Variants in CNTNAP2 observed in about 807,000 individuals in gnomAD.
CNTNAP2 encodes contactin-associated protein-like 2.
In CNTNAP2, 98 loss-of-function variants were observed where a neutral mutation model predicts 155.2. That is an observed-to-expected ratio of 0.63 (90% CI 0.54 to 0.75). The LOEUF is 0.75. Among genes scored for constraint, CNTNAP2 ranks in the 30% least tolerant of loss-of-function variants. The probability of loss-of-function intolerance (pLI) is 0.00; values close to 1 mark genes in which losing one functional copy is unlikely to be tolerated. For synonymous variants in CNTNAP2, 651 were observed against 631.2 expected, an observed-to-expected ratio of 1.03 and a Z score of -0.47; for missense variants, 1,727 against 1,688.1, an observed-to-expected ratio of 1.02 and a Z score of -0.40.
intron 4 of CNTNAP2, among the ~76,000 whole-genome samples, chr7:147,079,999 CT>C (rs33992262): frequency 0.55 from 62,110 of 112,506 alleles, 13,513 homozygotes; most frequent in Non-Finnish European, 0.56. Context: ...AAGCCTAGTC[CT>C]TTTTTTTTTT....
chr7:147,949,458 A>ATATT (rs1433579404), intron 14 of CNTNAP2, among the ~76,000 whole-genome samples: 4 of 137,398 alleles, frequency 2.9e-5, no homozygotes, highest in East Asian at 4.2e-4. Context: ...ATATATATAT[A>ATATT]TTTTTTTTTT....
chr7:146,463,931 G>T (rs1796677187), intron 1 of CNTNAP2, among the ~76,000 whole-genome samples: 1 of 152,032 alleles, frequency 6.6e-6, no homozygotes. Flanking sequence ...ACTATTTTAG[G>T]TGAGCCTGGG....
chr7:146,225,534 G>A (rs563247595), intron 1 of CNTNAP2, among the ~76,000 whole-genome samples: 13 of 152,236 alleles, frequency 8.5e-5, no homozygotes, highest in South Asian at 8.3e-4. Flanking sequence ...TTGGAAACCC[G>A]CAGAAACTGT....
intron 1 of CNTNAP2, among the ~76,000 whole-genome samples, chr7:146,191,668 G>A (rs565801802): frequency 3.0e-4 from 45 of 152,210 alleles, no homozygotes; most frequent in South Asian, 2.5e-3. Context: ...CTGGGAATGC[G>A]TTCTCTTTCT....
chr7:146,808,749 C>A (rs890677565), intron 2 of CNTNAP2, among the ~76,000 whole-genome samples: 1 of 152,174 alleles, frequency 6.6e-6, no homozygotes, highest in African/African-American at 2.4e-5. Flanking sequence ...CTTTCTGCAT[C>A]TATGACTTTG....
intron 21 of CNTNAP2, among the ~76,000 whole-genome samples, chr7:148,299,341 G>A (rs916955825): frequency 1.3e-5 from 2 of 152,166 alleles, no homozygotes; most frequent in African/African-American, 4.8e-5. Flanking sequence ...GCCAGGTGAA[G>A]AAAAGAAAAG....
chr7:146,380,463 C>T (rs1212666253), intron 1 of CNTNAP2, among the ~76,000 whole-genome samples: 2 of 151,900 alleles, frequency 1.3e-5, no homozygotes, highest in Non-Finnish European at 2.9e-5. Flanking sequence ...ACAAAATTAC[C>T]ATGGAAAGCA....
rs1795889290 is a variant in CNTNAP2 at position 146,413,071 on chromosome 7, A to G, written c.97+296098A>G. Among the ~76,000 whole-genome samples the G allele has an allele frequency of 2.8e-5, 4 of 142,124 alleles. No homozygotes were observed. In the South Asian group the frequency reaches 8.3e-4, roughly 29 times the overall value. The allele number at this position is 142,124 out of a possible 152,430, so 93.2% of individuals were successfully genotyped here. A position where few individuals can be genotyped will look rare whatever the true frequency, so the allele number is the denominator to read the frequency against. ...AACTGCGTTGCAGAGCAAAAAACAA[A>G]ACAATTGTTACTGTAAGTAATGAAA... On this transcript the variant is annotated intron_variant, in intron 1 of 23. Transcript: ENST00000361727.
At chr7:147,326,161 T>G (rs1255703360) in intron 9 of CNTNAP2, among the ~76,000 whole-genome samples, 1 of 152,192 alleles carries the variant, frequency 6.6e-6, no homozygotes, top group Non-Finnish European at 1.5e-5. Context: ...CCTGACCTGG[T>G]GATCCGCCCG....
intron 14 of CNTNAP2, among the ~76,000 whole-genome samples, chr7:147,970,872 TAAGGAATG>T (rs1801320258): frequency 6.6e-6 from 1 of 152,092 alleles, no homozygotes; most frequent in East Asian, 1.9e-4. Context: ...AAATTCTAAA[TAAGGAATG>T]AAGGAGAGAA....
At chr7:147,907,298 T>C (rs1469279919) in intron 14 of CNTNAP2, among the ~76,000 whole-genome samples, 4 of 152,178 alleles carry the variant, frequency 2.6e-5, no homozygotes, top group African/African-American at 7.2e-5. Flanking sequence ...CCTCGTGATC[T>C]GCCCACCTCG....
At chr7:148,401,831 C>T (rs1235820126) in intron 22 of CNTNAP2, among the ~76,000 whole-genome samples, 1 of 152,176 alleles carries the variant, frequency 6.6e-6, no homozygotes, top group African/African-American at 2.4e-5. Flanking sequence ...ATCTCCCGAC[C>T]TCATGATCTG....
intron 1 of CNTNAP2, among the ~76,000 whole-genome samples, chr7:146,634,886 A>G (rs1799572438): frequency 6.6e-6 from 1 of 152,218 alleles, no homozygotes; most frequent in African/African-American, 2.4e-5. Flanking sequence ...TTTAACAGGA[A>G]TGAGACTTTA....
chr7:147,679,937 T>C (rs529676286), intron 13 of CNTNAP2, among the ~76,000 whole-genome samples: 24 of 152,004 alleles, frequency 1.6e-4, no homozygotes, highest in African/African-American at 4.8e-4. Context: ...TAGCTGTGCT[T>C]ATTCAAATTG....
chr7:148,071,178 C>T (rs1803373303), intron 15 of CNTNAP2, among the ~76,000 whole-genome samples: 1 of 152,128 alleles, frequency 6.6e-6, no homozygotes, highest in Admixed American at 6.5e-5. Context: ...TCCTGTCACA[C>T]ATCATCAGGA....
intron 21 of CNTNAP2, among the ~76,000 whole-genome samples, chr7:148,270,559 G>A (rs1434412417): frequency 2.6e-5 from 4 of 152,176 alleles, no homozygotes; most frequent in Non-Finnish European, 5.9e-5. Flanking sequence ...CTAACAAGGA[G>A]CAAGTGCTCA....
At chr7:148,314,193 G>T (rs930029641) in intron 21 of CNTNAP2, among the ~76,000 whole-genome samples, 3 of 152,116 alleles carry the variant, frequency 2.0e-5, no homozygotes, top group Non-Finnish European at 4.4e-5. Context: ...TTGGGGTTGG[G>T]ACTAAGGGGA....
intron 22 of CNTNAP2, among the ~76,000 whole-genome samples, chr7:148,394,265 C>T (rs1204913324): frequency 6.6e-6 from 1 of 152,102 alleles, no homozygotes. Flanking sequence ...TGTTCCAGCC[C>T]CATTGGTTGA....
At chr7:147,812,898 A>G (rs1043374576) in intron 13 of CNTNAP2, among the ~76,000 whole-genome samples, 5 of 152,088 alleles carry the variant, frequency 3.3e-5, no homozygotes, top group African/African-American at 1.2e-4. Flanking sequence ...TTAATAATAC[A>G]CACATACCTA....
Sources: gnomAD v4.1 joint callset for allele counts (sites outside exome capture counted in the v4.1 genomes callset) on GRCh38, gnomAD v4.1.1 for gene constraint, MANE v1.5 for transcripts, NCBI Gene and HGNC (gene_info 2026-07-23, HGNC 2026-07-21) for gene names.